IMPA2: variants seen among roughly 807,000 people sequenced by gnomAD.
The protein encoded by IMPA2 is IMP 2.
In IMPA2, 32 loss-of-function variants were observed where a neutral mutation model predicts 35.1. The observed-to-expected ratio is 0.91, with a 90% CI of 0.69 to 1.23. The LOEUF is 1.23. Ranked by LOEUF, IMPA2 falls within the 50% of genes most tolerant of loss-of-function variation. The pLI is 0.00. For synonymous variants in IMPA2, 135 were observed against 160.6 expected (o/e 0.84, Z 1.20); for missense variants, 334 against 387.6 (o/e 0.86, Z 1.16).
At chr18:12,011,992 G>A (rs1200427063) in intron 3 of IMPA2, among the ~76,000 whole-genome samples, 178 bp from the exon 4 acceptor site, 1 of 152,270 alleles carries the variant, frequency 6.6e-6, no homozygotes, top group African/African-American at 2.4e-5. Flanking sequence ...GACATGGTCA[G>A]TTTATTCTGT....
chr18:11,994,065 A>T (rs535686414), intron 1 of IMPA2: 4 of 152,368 alleles, frequency 2.6e-5, no homozygotes, highest in African/African-American at 9.6e-5. Flanking sequence ...AAAAGCAGAA[A>T]ACAGTTAATA....
rs1251761496 is a variant in IMPA2, at chr18:12,012,198, T to A, written c.364T>A (p.Phe122Ile). Reference sequence around the variant, plus strand: ...CCCGACTGTGGCGGTTAGCATTGGATTTGCTGTTCGACAAGAGGTGCGGGT... The same window carrying A: ...CCCGACTGTGGCGGTTAGCATTGGAATTGCTGTTCGACAAGAGGTGCGGGT... ...RFPTVAVSIGFAVRQELEFGV... is the reference protein window; with the variant it reads ...RFPTVAVSIGIAVRQELEFGV... The change falls in exon 4 of 8, where the codon TTT becomes ATT. Residue 122 changes from phenylalanine (F) to isoleucine (I), a missense_variant. By Grantham distance (21) the Phe-to-Ile change is conservative (BLOSUM62 0). Transcript: ENST00000269159. 6.2e-7 allele frequency: 1 copy of A among 1,614,196 alleles called. No individual in the cohort carries two copies. Among genetic ancestry groups the A allele is most frequent in the Non-Finnish European group, 8.5e-7 (1 of 1,180,010 alleles).
chr18:12,011,839 G>A (rs1445422559), intron 3 of IMPA2, among the ~76,000 whole-genome samples: 1 of 152,206 alleles, frequency 6.6e-6, no homozygotes, highest in Non-Finnish European at 1.5e-5. Flanking sequence ...CCTTTGGGGA[G>A]GGCTCTGCTG....
rs956381122 is a variant in IMPA2, at chr18:12,010,929, G to A, written c.335+942G>A. ...GTGACCCTTTCGAGGCAGTGGAGTC[G>A]TGCCATCTGGTGCCAGCAAATGTGT... On this transcript the variant is annotated intron_variant, in intron 3 of 7. Coordinates refer to ENST00000269159, the MANE Select transcript of IMPA2 (RefSeq NM_014214.3). The surrounding 1 kb of genome is among the most constrained non-coding windows in gnomAD (Gnocchi z 4.8). 2.6e-5 allele frequency among the ~76,000 whole-genome samples: 4 copies of A among 152,190 alleles called. No individual in the cohort carries two copies. Among genetic ancestry groups the A allele is most frequent in the Admixed American group, 6.5e-5 (1 of 15,284 alleles).
chr18:12,008,425 G>A (rs1316746539), intron 2 of IMPA2: 1 of 513,936 alleles, frequency 1.9e-6, no homozygotes, highest in Admixed American at 2.0e-5. Flanking sequence ...CAGAACAGAT[G>A]TTTGCTTAGC....
At chr18:12,000,717 GC>G (rs1907092622) in intron 2 of IMPA2, among the ~76,000 whole-genome samples, 1 of 148,496 alleles carries the variant, frequency 6.7e-6, no homozygotes, top group Admixed American at 6.8e-5. Context: ...CCGGGTTCAC[GC>G]CATTCTCCTG....
intron 2 of IMPA2, chr18:12,008,426 T>A (rs1218929726): frequency 1.9e-6 from 1 of 512,978 alleles, no homozygotes; most frequent in Admixed American, 2.0e-5. Context: ...AGAACAGATG[T>A]TTGCTTAGCG....
intron 5 of IMPA2, among the ~76,000 whole-genome samples, chr18:12,016,582 A>T (rs185224304): frequency 3.5e-4 from 53 of 152,018 alleles, no homozygotes; most frequent in African/African-American, 1.3e-3. Flanking sequence ...ACCACACCTG[A>T]CTAATTTTGT....
At position 12,009,962 on chromosome 18, in the gene IMPA2, G is replaced by A. The variant is rs565980341; in HGVS notation, c.310G>A (p.Asp104Asn). 1.9e-5 allele frequency: 30 copies of A among 1,613,978 alleles called. No individual in the cohort carries two copies. Among genetic ancestry groups the A allele is most frequent in the South Asian group, 1.4e-4 (13 of 91,076 alleles). The change falls in exon 3 of 8, where the codon GAC becomes AAC. Residue 104 changes from aspartate (D) to asparagine (N), a missense_variant. Coordinates refer to ENST00000269159, the MANE Select transcript of IMPA2 (RefSeq NM_014214.3). ...HSPTWIIDPI[D>N]GTCNFVHRFP... Reference sequence around the variant, plus strand: ...CCCGACGTGGATCATCGACCCCATCGACGGCACCTGCAATTTTGTGCACAG... The same window carrying A: ...CCCGACGTGGATCATCGACCCCATCAACGGCACCTGCAATTTTGTGCACAG...
chr18:12,014,947 C>G (rs1907537248), intron 5 of IMPA2, among the ~76,000 whole-genome samples: 1 of 152,212 alleles, frequency 6.6e-6, no homozygotes, highest in Non-Finnish European at 1.5e-5. Flanking sequence ...TCCCTGCATA[C>G]TGCCTGGAAC....
At chr18:11,996,127 G>C (rs1437272494) in intron 1 of IMPA2, among the ~76,000 whole-genome samples, 1 of 152,194 alleles carries the variant, frequency 6.6e-6, no homozygotes. Flanking sequence ...ATGGGATATG[G>C]TAAGTTGTAG....
At chr18:12,026,675 G>A (rs889479696) in intron 5 of IMPA2, among the ~76,000 whole-genome samples, 2 of 152,186 alleles carry the variant, frequency 1.3e-5, no homozygotes, top group Non-Finnish European at 2.9e-5. Flanking sequence ...GTGAGGGTGG[G>A]GTTTGGAGGG....
intron 2 of IMPA2, among the ~76,000 whole-genome samples, chr18:12,003,658 A>G (rs549324726): frequency 0.013 from 733 of 54,328 alleles, 4 homozygotes; most frequent in Admixed American, 0.015. Flanking sequence ...CTTAAAAAAA[A>G]AAAAAAGAAA....
rs749677416 is a variant in IMPA2 at position 12,014,320 on chromosome 18, G to A, written c.437G>A (p.Arg146Gln). 60 of 1,611,288 alleles carry A rather than the reference G, an allele frequency of 3.7e-5. No homozygotes were observed. The highest frequency in any genetic ancestry group is 6.6e-5 in the South Asian group (6 of 90,812). The change falls in exon 5 of 8, where the codon CGG (arginine) becomes CAG (glutamine). Residue 146 changes from arginine (R) to glutamine (Q), a missense_variant. Coordinates refer to ENST00000269159, the MANE Select transcript of IMPA2 (RefSeq NM_014214.3). ...CTEERLYTGR[R>Q]GRGAFCNGQR... ...GAGGAGCGGCTGTACACGGGCCGGC[G>A]GGGTCGGGGCGCCTTCTGCAATGGC...
chr18:12,008,245 C>A, intron 2 of IMPA2: 1 of 476,092 alleles, frequency 2.1e-6, no homozygotes, highest in Non-Finnish European at 4.2e-6. Context: ...ATCTGCCCGC[C>A]TTGGCCTCCC....
At chr18:12,028,816 A>G in intron 6 of IMPA2, 26 bp from the exon 7 acceptor site, 1 of 1,610,864 alleles carries the variant, frequency 6.2e-7, no homozygotes, top group Non-Finnish European at 8.5e-7. Flanking sequence ...TCCCGCCTGC[A>G]TCTGTCCTCC....
At chr18:12,026,189 A>G (rs1907877885) in intron 5 of IMPA2, among the ~76,000 whole-genome samples, 1 of 151,550 alleles carries the variant, frequency 6.6e-6, no homozygotes, top group South Asian at 2.1e-4. Context: ...ATGCACCACC[A>G]TGCCTGGCTA....
intron 4 of IMPA2, among the ~76,000 whole-genome samples, chr18:12,012,830 A>G (rs1190512722): frequency 6.6e-6 from 1 of 152,200 alleles, no homozygotes; most frequent in East Asian, 1.9e-4. Flanking sequence ...ATGTTTCTCA[A>G]AAGCAGCCCT....
intron 2 of IMPA2, among the ~76,000 whole-genome samples, chr18:12,000,655 G>A (rs1406961746): frequency 2.1e-5 from 3 of 144,168 alleles, no homozygotes; most frequent in Non-Finnish European, 3.0e-5. Context: ...TTGCTCTGGC[G>A]TCCAGGCTGG....
Sources: allele counts gnomAD v4.1 joint callset (sites outside exome capture counted in the v4.1 genomes callset), GRCh38; gene constraint gnomAD v4.1.1; non-coding constraint Gnocchi (gnomAD v3.1); transcripts MANE v1.5; gene names NCBI Gene and HGNC (gene_info 2026-07-23, HGNC 2026-07-21).